IL1RAPL2: variants seen among roughly 807,000 people sequenced by gnomAD.
IL1RAPL2 encodes the protein interleukin 1 receptor accessory protein like 2.
IL1RAPL2 carries 3 observed loss-of-function variants against 44.1 expected under a neutral mutation model. The observed-to-expected ratio is 0.07, with a 90% CI of 0.03 to 0.18. IL1RAPL2 has a LOEUF of 0.18. Ranked by LOEUF, IL1RAPL2 falls within the 10% of genes least tolerant of loss-of-function variation. IL1RAPL2 has a pLI of 1.00. For missense variants in IL1RAPL2, 391 were observed against 496.4 expected (o/e 0.79, Z 2.02); for synonymous variants, 181 against 178.8 (o/e 1.01, Z -0.10).
intron 6 of IL1RAPL2, among the ~76,000 whole-genome samples, chrX:105,682,760 A>G (rs11092542): frequency 0.33 from 36,639 of 111,396 alleles, 4,466 homozygotes; most frequent in Middle Eastern, 0.38. Context: ...ATTATTTTTA[A>G]CACCTCTCAT....
intron 2 of IL1RAPL2, among the ~76,000 whole-genome samples, chrX:104,903,660 C>T (rs1569338478): frequency 9.0e-6 from 1 of 111,032 alleles, no homozygotes; most frequent in Admixed American, 9.6e-5. Context: ...TCACTGCAAC[C>T]TCTGCCTCCC....
chrX:104,840,354 T>G (rs1225027534), intron 2 of IL1RAPL2, among the ~76,000 whole-genome samples: 1 of 112,264 alleles, frequency 8.9e-6, no homozygotes, highest in African/African-American at 3.2e-5. Flanking sequence ...GTTGTTCAAT[T>G]TCCATGTAGT....
intron 6 of IL1RAPL2, among the ~76,000 whole-genome samples, chrX:105,637,850 A>T (rs1955244675): frequency 9.1e-6 from 1 of 110,141 alleles, no homozygotes; most frequent in Non-Finnish European, 1.9e-5. Flanking sequence ...GCCCATCTGG[A>T]ATAGTCACTC....
chrX:104,840,379 T>C (rs1921867957), intron 2 of IL1RAPL2, among the ~76,000 whole-genome samples: 1 of 111,944 alleles, frequency 8.9e-6, no homozygotes, highest in African/African-American at 3.2e-5. Context: ...TGGTTTTGGG[T>C]GAGTTTCTTA....
intron 2 of IL1RAPL2, among the ~76,000 whole-genome samples, chrX:105,166,298 G>A (rs7884078): frequency 0.081 from 8,980 of 110,911 alleles, 884 homozygotes; most frequent in African/African-American, 0.28. Context: ...AGTGCCTGAC[G>A]TATAGGTGCT....
At chrX:105,463,350 C>T (rs1190362377) in intron 5 of IL1RAPL2, among the ~76,000 whole-genome samples, 3 of 111,105 alleles carry the variant, frequency 2.7e-5, no homozygotes, top group Non-Finnish European at 3.8e-5. Flanking sequence ...CTCTTGCCTT[C>T]GTTTGAAGGA....
chrX:105,146,417 C>T (rs1480502083), intron 2 of IL1RAPL2, among the ~76,000 whole-genome samples: 6 of 111,162 alleles, frequency 5.4e-5, no homozygotes, highest in Non-Finnish European at 9.4e-5. Context: ...GGTTTTCAGC[C>T]CTACTCATTC....
At chrX:105,345,201 G>T (rs769493554) in intron 5 of IL1RAPL2, among the ~76,000 whole-genome samples, 1 of 111,652 alleles carries the variant, frequency 9.0e-6, no homozygotes, top group Non-Finnish European at 1.9e-5. Context: ...ATATGTCAAT[G>T]CCCTTTATCA....
intron 2 of IL1RAPL2, among the ~76,000 whole-genome samples, chrX:104,902,109 C>T (rs1389479588): frequency 8.9e-6 from 1 of 111,814 alleles, no homozygotes; most frequent in Non-Finnish European, 1.9e-5. Flanking sequence ...TACACTTGGG[C>T]GTTTCTATGA....
intron 2 of IL1RAPL2, among the ~76,000 whole-genome samples, chrX:105,182,040 C>G (rs1388331782): frequency 9.8e-6 from 1 of 102,232 alleles, no homozygotes; most frequent in Non-Finnish European, 2.0e-5. Context: ...GCACTCCAGC[C>G]TGGGCGACAG....
chrX:105,098,099 T>C (rs2032628047), intron 2 of IL1RAPL2, among the ~76,000 whole-genome samples: 1 of 112,091 alleles, frequency 8.9e-6, no homozygotes, highest in Non-Finnish European at 1.9e-5. Context: ...ACTTCTGAGA[T>C]AGCATATAGT....
At chrX:105,183,614 A>C (rs782609991) in intron 2 of IL1RAPL2, among the ~76,000 whole-genome samples, 14 of 111,660 alleles carry the variant, frequency 1.3e-4, no homozygotes, top group Non-Finnish European at 2.6e-4. Context: ...CAACAGCTTC[A>C]GATAGGCAGC....
intron 2 of IL1RAPL2, among the ~76,000 whole-genome samples, chrX:105,063,615 G>C (rs1258047357): frequency 2.7e-5 from 3 of 111,980 alleles, no homozygotes; most frequent in African/African-American, 9.8e-5. Flanking sequence ...TCCTTAATAT[G>C]TTGTTTGTCA....
chrX:104,640,764 G>C (rs1359693841), intron 1 of IL1RAPL2, among the ~76,000 whole-genome samples: 1 of 111,987 alleles, frequency 8.9e-6, no homozygotes, highest in Non-Finnish European at 1.9e-5. Context: ...CTGCTATATA[G>C]CATCGTTAAT....
At chrX:104,616,214 G>A (rs867840463) in intron 1 of IL1RAPL2, among the ~76,000 whole-genome samples, 1 of 111,804 alleles carries the variant, frequency 8.9e-6, no homozygotes, top group African/African-American at 3.3e-5. Context: ...TTGTTGTTTT[G>A]TTTTGTTTTG....
chrX:104,963,479 G>A (rs1434603800), intron 2 of IL1RAPL2, among the ~76,000 whole-genome samples: 2 of 111,683 alleles, frequency 1.8e-5, no homozygotes, highest in Non-Finnish European at 3.8e-5. Flanking sequence ...TGACATCTAG[G>A]CATTTCTCAT....
intron 2 of IL1RAPL2, among the ~76,000 whole-genome samples, chrX:105,123,685 A>G (rs1296836199): frequency 3.6e-5 from 4 of 111,401 alleles, no homozygotes; most frequent in Non-Finnish European, 7.6e-5. Context: ...TGGCAGTGGT[A>G]ACATGGGAGA....
intron 2 of IL1RAPL2, among the ~76,000 whole-genome samples, chrX:105,119,446 C>T (rs187509638): frequency 6.7e-4 from 74 of 111,161 alleles, no homozygotes; most frequent in Admixed American, 2.3e-3. Context: ...CTTCTTTCTG[C>T]ACAGCGGCTC....
intron 1 of IL1RAPL2, among the ~76,000 whole-genome samples, chrX:104,588,512 GA>G (rs1928605986): frequency 9.0e-6 from 1 of 110,929 alleles, no homozygotes; most frequent in Admixed American, 9.7e-5. Flanking sequence ...CTAGAACTTA[GA>G]AAACCAAATT....
Sources: allele counts gnomAD v4.1 joint callset (sites outside exome capture counted in the v4.1 genomes callset), GRCh38; gene constraint gnomAD v4.1.1; transcripts MANE v1.5; gene names NCBI Gene and HGNC (gene_info 2026-07-23, HGNC 2026-07-21).